MMAA: variants seen among roughly 807,000 people sequenced by gnomAD.
MMAA encodes metabolism of cobalamin associated A.
A neutral mutation model predicts 45.0 loss-of-function variants in MMAA; 41 were observed. The ratio of observed to expected loss-of-function variants is 0.91; its 90% confidence interval spans 0.71 to 1.18. The LOEUF (loss-of-function observed/expected upper bound fraction) is 1.18. Ranked by LOEUF, MMAA falls within the 50% of genes most tolerant of loss-of-function variation. The pLI, the probability that MMAA is intolerant of heterozygous loss-of-function variation, is 0.00. For missense variants in MMAA, 460 were observed against 495.7 expected (o/e 0.93, Z 0.68); for synonymous variants, 154 against 178.2 (o/e 0.86, Z 1.08).
chr4:145,629,855 C>G (rs1734293981), intron 1 of MMAA, among the ~76,000 whole-genome samples: 1 of 152,074 alleles, frequency 6.6e-6, no homozygotes, highest in Admixed American at 6.6e-5. Flanking sequence ...AGACCCACCC[C>G]CATAATTCAG....
At chr4:145,625,649 G>T in intron 1 of MMAA, 2 of 1,053,974 alleles carry the variant, frequency 1.9e-6, no homozygotes, top group Non-Finnish European at 3.0e-6. Flanking sequence ...CATACTTAAG[G>T]GTCAAACTGC....
At position 145,639,198 on chromosome 4, in the gene MMAA, C is replaced by G; in HGVS notation, c.59C>G (p.Pro20Arg). The change falls in exon 2 of 7, where the codon CCT (proline) becomes CGT (arginine). Residue 20 changes from proline (P) to arginine (R), a missense_variant. Transcript: ENST00000649156. ...TTCCTAAAAGGCCTTTTAAGAGCAC[C>G]TTTCCGATGTTACCACTTCATCTTT... is the stretch of plus-strand genomic sequence containing the variant. ...QHFLKGLLRA[P>R]FRCYHFIFHS... 6.2e-7 allele frequency: 1 copy of G among 1,614,170 alleles called. No individual in the cohort carries two copies. Among genetic ancestry groups the G allele is most frequent in the Non-Finnish European group, 8.5e-7 (1 of 1,180,030 alleles).
At chr4:145,623,702 A>G (rs986766759) in intron 1 of MMAA, among the ~76,000 whole-genome samples, 4 of 152,256 alleles carry the variant, frequency 2.6e-5, no homozygotes, top group African/African-American at 9.6e-5. Flanking sequence ...CAGTAACAGA[A>G]GAAAACCCAC....
rs1243838065 is a variant in MMAA, at chr4:145,657,962, G to A, written c.*2528G>A. 1 of 152,170 alleles carries A rather than the reference G, an allele frequency of 6.6e-6. No individual in the cohort carries two copies. Among genetic ancestry groups the A allele is most frequent in the Non-Finnish European group, 1.5e-5 (1 of 68,060 alleles). The allele number at this position is 152,170 out of a possible 1,614,324, so 9.4% of individuals were successfully genotyped here. A position where few individuals can be genotyped will look rare whatever the true frequency, so the allele number is the denominator to read the frequency against. ...GATCAGATCTCTCATGAATGACTTG[G>A]GCCATCCTTTGGGTGGTAAGTGAGC... On this transcript the variant is annotated 3_prime_UTR_variant, in exon 7 of 7. Transcript: ENST00000649156.
At chr4:145,637,395 T>C (rs1459503043) in intron 1 of MMAA, among the ~76,000 whole-genome samples, 1 of 152,232 alleles carries the variant, frequency 6.6e-6, no homozygotes, top group Non-Finnish European at 1.5e-5. Context: ...CATTTTTAAT[T>C]GTCCTTTTAG....
chr4:145,654,240 C>A, intron 6 of MMAA, 97 bp downstream of exon 6: 2 of 1,403,748 alleles, frequency 1.4e-6, no homozygotes, highest in Non-Finnish European at 2.0e-6. Flanking sequence ...ATCAATCTTG[C>A]TTCTATGTGA....
chr4:145,621,612 A>G (rs1424583261), intron 1 of MMAA, among the ~76,000 whole-genome samples: 1 of 152,196 alleles, frequency 6.6e-6, no homozygotes, highest in Non-Finnish European at 1.5e-5. Context: ...GGAATATGGT[A>G]AACAGATTAA....
At position 145,653,825 on chromosome 4, in the gene MMAA, T is replaced by C. The variant is rs2279717; in HGVS notation, c.820-169T>C. 0.49 allele frequency among the ~76,000 whole-genome samples: 74,609 copies of C among 152,130 alleles called. 19,123 individuals are homozygous for C. Among genetic ancestry groups the C allele is most frequent in the African/African-American group, 0.64 (26,590 of 41,508 alleles). On this transcript the variant is annotated intron_variant, in intron 5 of 6. Coordinates refer to ENST00000649156, the MANE Select transcript of MMAA (RefSeq NM_172250.3). ...TTACAGATGACTTCTATAATTCCAA[T>C]AGCCAATGCTTTTGAGTAATTTCTG...
chr4:145,625,966 G>A lies in MMAA; in HGVS notation c.-66+6559G>A, dbSNP rs1342948370. On this transcript the variant is annotated intron_variant, in intron 1 of 6. Coordinates refer to ENST00000649156, the MANE Select transcript of MMAA (RefSeq NM_172250.3). Reference sequence around the variant, plus strand: ...CCAATAGCAAGCTCCAAGTCCCTCCGTGCATCACTACCCCTCAAAAGGGGT... The same window carrying A: ...CCAATAGCAAGCTCCAAGTCCCTCCATGCATCACTACCCCTCAAAAGGGGT... 1.7e-5 allele frequency: 26 copies of A among 1,558,694 alleles called. No homozygotes were observed. In the East Asian group the frequency reaches 1.8e-4, roughly 11 times the overall value.
chr4:145,655,080 C>A (rs1271264128), intron 6 of MMAA, 67 bp from the exon 7 acceptor site: 18 of 1,560,266 alleles, frequency 1.2e-5, no homozygotes, highest in Non-Finnish European at 1.6e-5. Flanking sequence ...TGGCAGGTAT[C>A]AGCGTCCCTG....
chr4:145,631,714 C>A (rs1727438822), intron 1 of MMAA, among the ~76,000 whole-genome samples: 2 of 151,984 alleles, frequency 1.3e-5, no homozygotes, highest in Non-Finnish European at 2.9e-5. Flanking sequence ...GTCTTCCCTT[C>A]TTTCTTTCCT....
At chr4:145,626,428 C>G (rs188317794) in intron 1 of MMAA, among the ~76,000 whole-genome samples, 3 of 152,090 alleles carry the variant, frequency 2.0e-5, no homozygotes, top group Non-Finnish European at 4.4e-5. Context: ...AATTATTGTC[C>G]GTGGAGCAAA....
At chr4:145,626,100 A>C (rs1734201014) in intron 1 of MMAA, 1 of 661,364 alleles carries the variant, frequency 1.5e-6, no homozygotes, top group Non-Finnish European at 2.6e-6. Flanking sequence ...GGGTGGACTG[A>C]GACACGGCCC....
Position 145,642,476 on chromosome 4 carries a change from A to G in MMAA, c.553A>G (p.Thr185Ala), listed in dbSNP as rs1368266135. 2.5e-6 allele frequency: 4 copies of G among 1,614,090 alleles called. No individual in the cohort carries two copies. Among genetic ancestry groups the G allele is most frequent in the Non-Finnish European group, 3.4e-6 (4 of 1,179,994 alleles). ...SVLAVDPSSC[T>A]SGGSLLGDKT... ...GCTAGCTGTGGACCCTTCTTCTTGT[A>G]CTAGTGGTGGTAAGTATGGCTGATT... is the stretch of plus-strand genomic sequence containing the variant. The change falls in exon 3 of 7, where the codon ACT becomes GCT. Residue 185 changes from threonine (T) to alanine (A), a missense_variant. Thr to Ala is a moderately conservative substitution (Grantham distance 58). Coordinates refer to ENST00000649156, the MANE Select transcript of MMAA (RefSeq NM_172250.3).
rs1578890345 is a variant in MMAA at position 145,657,314 on chromosome 4, T to A, written c.*1880T>A. 1.3e-5 allele frequency: 2 copies of A among 152,152 alleles called. No individual in the cohort carries two copies. Among genetic ancestry groups the A allele is most frequent in the Non-Finnish European group, 2.9e-5 (2 of 68,014 alleles). The allele number at this position is 152,152 out of a possible 1,614,324, so 9.4% of individuals were successfully genotyped here. A position where few individuals can be genotyped will look rare whatever the true frequency, so the allele number is the denominator to read the frequency against. On this transcript the variant is annotated 3_prime_UTR_variant, in exon 7 of 7. Transcript: ENST00000649156. ...TGTATAGAGACCAATTTCTAAGAGA[T>A]TTTTTCACCTCTGTTTCTGTTATTT...
At chr4:145,642,583 C>G (rs1056848891) in intron 3 of MMAA, 98 bp downstream of exon 3, 84 of 1,536,544 alleles carry the variant, frequency 5.5e-5, no homozygotes, top group Non-Finnish European at 7.4e-5. Context: ...TAACTGCTAG[C>G]TAAGTTTGGT....
At chr4:145,645,931 G>A (rs1727916929) in intron 3 of MMAA, 55 bp from the exon 4 acceptor site, 8 of 1,579,336 alleles carry the variant, frequency 5.1e-6, no homozygotes, top group Non-Finnish European at 7.0e-6. Flanking sequence ...GGAACTGGCT[G>A]ATAATTGACC....
At chr4:145,648,272 C>T (rs1213918510) in intron 4 of MMAA, among the ~76,000 whole-genome samples, 5 of 151,728 alleles carry the variant, frequency 3.3e-5, no homozygotes, top group East Asian at 3.9e-4. Flanking sequence ...CTCAGCCCCC[C>T]GAGTAGCTGG....
intron 1 of MMAA, among the ~76,000 whole-genome samples, 172 bp downstream of exon 1, chr4:145,619,579 G>A (rs1216305807): frequency 6.6e-6 from 1 of 152,188 alleles, no homozygotes; most frequent in Non-Finnish European, 1.5e-5. Flanking sequence ...GATGTTCGGG[G>A]TGCGGATATG....
Sources: allele counts gnomAD v4.1 joint callset (sites outside exome capture counted in the v4.1 genomes callset), GRCh38; gene constraint gnomAD v4.1.1; transcripts MANE v1.5; gene names NCBI Gene and HGNC (gene_info 2026-07-23, HGNC 2026-07-21).